TCF4: variants seen among roughly 807,000 people sequenced by gnomAD.
TCF4 encodes transcription factor 4.
Under a neutral mutation model 82.1 loss-of-function variants are expected in TCF4, and 3 were observed. The observed-to-expected ratio is 0.04, with a 90% confidence interval of 0.02 to 0.09. TCF4 has a LOEUF of 0.09. Ranked by LOEUF, TCF4 falls within the 10% of genes least tolerant of loss-of-function variation. The pLI is 1.00. For missense variants in TCF4, 518 were observed against 852.7 expected, an observed-to-expected ratio of 0.61 and a Z score of 4.89; for synonymous variants, 276 against 309.6, an observed-to-expected ratio of 0.89 and a Z score of 1.14.
intron 3 of TCF4, among the ~76,000 whole-genome samples, chr18:55,524,725 A>C (rs2096963508): frequency 6.6e-6 from 1 of 152,188 alleles, no homozygotes; most frequent in Non-Finnish European, 1.5e-5. Flanking sequence ...CATCCCAAGC[A>C]CTACTGTGGT....
intron 15 of TCF4, among the ~76,000 whole-genome samples, chr18:55,251,931 T>TTTTG (rs1568456165): frequency 5.2e-5 from 3 of 58,160 alleles, no homozygotes; most frequent in African/African-American, 1.3e-4. Flanking sequence ...GGGGATGAGG[T>TTTTG]TTTTTTTTTT....
At position 55,475,011 on chromosome 18, in the gene TCF4, C is replaced by A. The variant is rs62091168; in HGVS notation, c.146-10874G>T. Among the ~76,000 whole-genome samples, 227 of 152,262 alleles carry A rather than the reference C, an allele frequency of 1.5e-3. 1 individual carries two copies. The highest frequency in any genetic ancestry group is 2.9e-3 in the Non-Finnish European group (196 of 68,032). On this transcript the variant is annotated intron_variant, in intron 3 of 19. Transcript: ENST00000354452. ...CATGTGTAAGTTGCATCAATTATAT[C>A]CTTTTGCACCTTAGTACTTCTGTGT...
chr18:55,574,488 C>A (rs866270808), intron 3 of TCF4, among the ~76,000 whole-genome samples: 5 of 152,132 alleles, frequency 3.3e-5, no homozygotes, highest in Non-Finnish European at 7.4e-5. Context: ...CCACGCCCAG[C>A]TAATTTTTGT....
chr18:55,232,723 C>T (rs1416832137), intron 16 of TCF4, 52 bp from the exon 17 acceptor site: 1 of 1,603,146 alleles, frequency 6.2e-7, no homozygotes. Context: ...TCACTGCCTG[C>T]ACACCAGATT....
chr18:55,531,464 C>T (rs968773254), intron 3 of TCF4, among the ~76,000 whole-genome samples: 14 of 151,898 alleles, frequency 9.2e-5, no homozygotes, highest in African/African-American at 3.4e-4. Flanking sequence ...ACAAAGATAG[C>T]AAAATAGAAA....
chr18:55,608,672 C>T (rs1186785139), intron 2 of TCF4, among the ~76,000 whole-genome samples: 2 of 152,144 alleles, frequency 1.3e-5, no homozygotes, highest in South Asian at 2.1e-4. Context: ...GACAGCGTCC[C>T]GCCTTCAAAG....
intron 5 of TCF4, chr18:55,422,433 T>A (rs889748935): frequency 1.0e-6 from 1 of 978,018 alleles, no homozygotes; most frequent in Admixed American, 6.2e-5. Flanking sequence ...TTTTTAATAT[T>A]AAAAAAAAAG....
At chr18:55,484,705 G>T (rs953483732) in intron 3 of TCF4, among the ~76,000 whole-genome samples, 2 of 152,146 alleles carry the variant, frequency 1.3e-5, no homozygotes, top group Admixed American at 6.5e-5. Context: ...ATGTGTTGTG[G>T]TAGAGAAAAT....
chr18:55,525,814 G>GATAT (rs1204297088), intron 3 of TCF4, among the ~76,000 whole-genome samples: 1 of 152,128 alleles, frequency 6.6e-6, no homozygotes. Flanking sequence ...CTAGGTGCTG[G>GATAT]ATATCCATGT....
chr18:55,513,284 T>C (rs1359039674), intron 3 of TCF4, among the ~76,000 whole-genome samples: 1 of 152,104 alleles, frequency 6.6e-6, no homozygotes, highest in African/African-American at 2.4e-5. Flanking sequence ...AAAACCTCTC[T>C]GAGATCTAGG....
intron 5 of TCF4, among the ~76,000 whole-genome samples, chr18:55,429,783 A>AAC (rs1569464196): frequency 1.3e-5 from 2 of 151,022 alleles, no homozygotes; most frequent in Non-Finnish European, 3.0e-5. Context: ...AAAAAAAAAA[A>AAC]AAAAAACAAT....
chr18:55,263,149 C>A (rs570909947), intron 11 of TCF4, among the ~76,000 whole-genome samples: 3 of 152,012 alleles, frequency 2.0e-5, no homozygotes, highest in South Asian at 4.2e-4. Flanking sequence ...AAACCCACAC[C>A]CATATTTATT....
chr18:55,543,831 C>A (rs970918668), intron 3 of TCF4, among the ~76,000 whole-genome samples: 3 of 152,138 alleles, frequency 2.0e-5, no homozygotes, highest in African/African-American at 7.2e-5. Flanking sequence ...TCCCAAAATA[C>A]CTTTCATGAA....
rs62092442 is a variant in TCF4, at chr18:55,254,769, T to C, written c.1147-69A>G. The C allele has an allele frequency of 0.37, 533,311 of 1,445,964 alleles. 98,978 individuals carry two copies. The highest frequency in any genetic ancestry group is 0.4 in the Middle Eastern group (1,743 of 4,354). The allele number at this position is 1,445,964 out of a possible 1,614,324, so 89.6% of individuals were successfully genotyped here. A position where few individuals can be genotyped will look rare whatever the true frequency, so the allele number is the denominator to read the frequency against. Reference sequence around the variant, plus strand: ...GGGTGCCTAAATTATACAAGTAAAATTTTAGTCGACAAAAAACACACTGTG... The same window carrying C: ...GGGTGCCTAAATTATACAAGTAAAACTTTAGTCGACAAAAAACACACTGTG... On this transcript the variant is annotated intron_variant, in intron 14 of 19. Coordinates refer to ENST00000354452, the MANE Select transcript of TCF4 (RefSeq NM_001083962.2).
intron 15 of TCF4, among the ~76,000 whole-genome samples, chr18:55,243,603 TG>T (rs1054001071): frequency 2.4e-4 from 37 of 152,214 alleles, no homozygotes; most frequent in African/African-American, 8.2e-4. Context: ...TTTGTTTGTT[TG>T]TTTGTTTTTT....
intron 2 of TCF4, among the ~76,000 whole-genome samples, chr18:55,599,662 G>A (rs186651388): frequency 2.0e-3 from 304 of 152,244 alleles, no homozygotes; most frequent in Admixed American, 3.9e-3. Flanking sequence ...CAGGGATTGC[G>A]GTGAGCCGAG....
At chr18:55,582,989 C>CT in intron 3 of TCF4, among the ~76,000 whole-genome samples, 1 of 152,202 alleles carries the variant, frequency 6.6e-6, no homozygotes, top group South Asian at 2.1e-4. Context: ...AGATTTAACT[C>CT]TTTTAAGTGG....
intron 3 of TCF4, among the ~76,000 whole-genome samples, chr18:55,560,989 C>T (rs1210328029): frequency 6.6e-6 from 1 of 152,252 alleles, no homozygotes; most frequent in East Asian, 1.9e-4. Context: ...AATTCCCTGG[C>T]TTTCATTGCA....
intron 3 of TCF4, among the ~76,000 whole-genome samples, chr18:55,490,785 A>T (rs1471031430): frequency 6.6e-6 from 1 of 152,246 alleles, no homozygotes; most frequent in African/African-American, 2.4e-5. Flanking sequence ...GTAAGTGCTT[A>T]ACAAATTCTT....
Sources: gnomAD v4.1 joint callset for allele counts (sites outside exome capture counted in the v4.1 genomes callset) on GRCh38, gnomAD v4.1.1 for gene constraint, MANE v1.5 for transcripts, NCBI Gene and HGNC (gene_info 2026-07-23, HGNC 2026-07-21) for gene names.